Variants in CSMD2 observed in about 807,000 individuals in gnomAD.
The protein encoded by CSMD2 is CUB and Sushi multiple domains 2.
In CSMD2, 130 loss-of-function variants were observed where a neutral mutation model predicts 398.5. The ratio of observed to expected loss-of-function variants is 0.33; its 90% CI spans 0.28 to 0.38. The LOEUF is 0.38. Among genes scored for constraint, CSMD2 ranks in the 10% least tolerant of loss-of-function variants. The pLI is 1.00. For synonymous variants in CSMD2, 1,828 were observed against 1,908.5 expected (o/e 0.96, Z 1.10); for missense variants, 3,829 against 4,764.9 (o/e 0.80, Z 5.78).
chr1:33,548,357 A>G (rs770268669), intron 56 of CSMD2, among the ~76,000 whole-genome samples: 4 of 152,218 alleles, frequency 2.6e-5, no homozygotes, highest in Middle Eastern at 6.3e-3. Flanking sequence ...GGCAGAGTAG[A>G]TAGATGGCAA....
At chr1:33,569,589 G>A (rs1659395326) in intron 51 of CSMD2, 42 bp from the exon 52 acceptor site, 6 of 1,592,396 alleles carry the variant, frequency 3.8e-6, no homozygotes, top group Admixed American at 1.7e-5. Flanking sequence ...GCCCCAAGAG[G>A]AGGGACATGG....
intron 10 of CSMD2, among the ~76,000 whole-genome samples, chr1:33,798,828 T>A (rs1317555244): frequency 1.3e-5 from 2 of 152,114 alleles, no homozygotes; most frequent in Non-Finnish European, 2.9e-5. Context: ...CTGGAGAACA[T>A]TCTCCCCTTG....
chr1:33,660,302 G>T (rs1644089911), intron 26 of CSMD2, among the ~76,000 whole-genome samples: 1 of 152,290 alleles, frequency 6.6e-6, no homozygotes, highest in East Asian at 1.9e-4. Context: ...CAATAGGAAT[G>T]GCTGTGATTA....
chr1:33,617,665 G>A, intron 37 of CSMD2, 48 bp from the exon 38 acceptor site: 2 of 1,452,546 alleles, frequency 1.4e-6, no homozygotes, highest in Non-Finnish European at 1.9e-6. Flanking sequence ...TAGCCCAGCA[G>A]GTCAACGTGG....
intron 25 of CSMD2, among the ~76,000 whole-genome samples, chr1:33,691,471 T>C (rs1000684418): frequency 6.6e-6 from 1 of 152,344 alleles, no homozygotes; most frequent in East Asian, 1.9e-4. Context: ...AAATACTTAA[T>C]ACATTTCCTT....
At chr1:33,823,318 G>C (rs1382339254) in intron 7 of CSMD2, among the ~76,000 whole-genome samples, 1 of 152,134 alleles carries the variant, frequency 6.6e-6, no homozygotes, top group Middle Eastern at 3.2e-3. Flanking sequence ...AGCTTCCCCA[G>C]GAAACAAGCA....
chr1:33,724,266 G>A lies in CSMD2; in HGVS notation c.2932C>T (p.Pro978Ser). ...TTGGGGTAGAAGTCAGGGAACCCTG[G>A]CGACAAGATGGTCCCACTGGAGCCT... ...IQGSSGTILSPGFPDFYPNNL... is the reference protein window; with the variant it reads ...IQGSSGTILSSGFPDFYPNNL... The change falls in exon 19 of 71, where the codon CCA becomes TCA. Residue 978 changes from proline to serine, a missense_variant. Physicochemically the swap from Pro to Ser is moderately conservative, Grantham distance 74. Transcript: ENST00000373381. 6.2e-7 allele frequency: 1 copy of A among 1,614,110 alleles called. No homozygotes were observed. Among genetic ancestry groups the A allele is most frequent in the Non-Finnish European group, 8.5e-7 (1 of 1,179,996 alleles).
chr1:34,082,324 G>A (rs1397628456), intron 2 of CSMD2, among the ~76,000 whole-genome samples: 12 of 150,940 alleles, frequency 8.0e-5, no homozygotes, highest in African/African-American at 1.7e-4. Flanking sequence ...CGGCCGCCCC[G>A]TCTGGGAAGT....
chr1:33,701,547 C>G (rs898646675), intron 22 of CSMD2, among the ~76,000 whole-genome samples: 1 of 152,226 alleles, frequency 6.6e-6, no homozygotes, highest in African/African-American at 2.4e-5. Flanking sequence ...GCATGGCACA[C>G]AATGTGATGC....
At chr1:34,080,458 A>G (rs1179739277) in intron 2 of CSMD2, among the ~76,000 whole-genome samples, 1 of 152,146 alleles carries the variant, frequency 6.6e-6, no homozygotes, top group Non-Finnish European at 1.5e-5. Context: ...CTGACAAAAA[A>G]TGATCTTATA....
chr1:33,749,635 A>G (rs1647935940), intron 13 of CSMD2, among the ~76,000 whole-genome samples: 1 of 152,214 alleles, frequency 6.6e-6, no homozygotes, highest in Admixed American at 6.5e-5. Context: ...AAAATTTCTG[A>G]TTGGTTTGCT....
chr1:33,920,542 CA>C (rs58865984), intron 4 of CSMD2, among the ~76,000 whole-genome samples: 17,956 of 82,636 alleles, frequency 0.22, 919 homozygotes, highest in East Asian at 0.51. Flanking sequence ...CAATCTGTCT[CA>C]AAAAAAAAAA....
chr1:34,158,912 G>A (rs758252270), intron 1 of CSMD2, among the ~76,000 whole-genome samples: 1 of 152,168 alleles, frequency 6.6e-6, no homozygotes, highest in Non-Finnish European at 1.5e-5. Flanking sequence ...ACCAGCACTC[G>A]GTAAAGGAGA....
chr1:33,582,767 G>A (rs112918243), intron 47 of CSMD2, among the ~76,000 whole-genome samples: 3,322 of 152,256 alleles, frequency 0.022, 47 homozygotes, highest in Non-Finnish European at 0.026. Flanking sequence ...GCCCAGGTCC[G>A]TCTCACAGTA....
At chr1:33,625,013 C>A (rs751093021) in intron 34 of CSMD2, 38 bp downstream of exon 34, 3 of 1,596,964 alleles carry the variant, frequency 1.9e-6, no homozygotes, top group South Asian at 1.1e-5. Flanking sequence ...CTACGTGCCG[C>A]CCCCCGCACC....
intron 25 of CSMD2, among the ~76,000 whole-genome samples, chr1:33,670,304 G>T (rs1450245386): frequency 6.6e-6 from 1 of 152,140 alleles, no homozygotes; most frequent in East Asian, 1.9e-4. Flanking sequence ...CCAGCATGAG[G>T]CCTGACCTGT....
intron 13 of CSMD2, chr1:33,772,217 T>G: frequency 5.2e-6 from 1 of 190,578 alleles, no homozygotes; most frequent in Admixed American, 5.8e-5. Context: ...CCCTGCTGGA[T>G]TAGATGGTGT....
rs538991781 is a variant in CSMD2, at chr1:33,766,816, A to C, written c.1846+5753T>G. 6.6e-5 allele frequency among the ~76,000 whole-genome samples: 10 copies of C among 152,384 alleles called. No individual in the cohort carries two copies. The East Asian group carries it at 1.3e-3, about 21-fold the overall frequency. On this transcript the variant is annotated intron_variant, in intron 13 of 70. Transcript: ENST00000373381. ...GTTATCTTTAGAAAAGTGAAAGTAGATAAACATGAAATAGAGGCATGCCAT... is the reference window on the plus strand; with the variant it reads ...GTTATCTTTAGAAAAGTGAAAGTAGCTAAACATGAAATAGAGGCATGCCAT...
At chr1:34,085,022 C>A (rs920735018) in intron 2 of CSMD2, among the ~76,000 whole-genome samples, 3 of 152,084 alleles carry the variant, frequency 2.0e-5, no homozygotes, top group African/African-American at 7.2e-5. Flanking sequence ...AAATGTGGCA[C>A]AAATACACCA....
Sources: gnomAD v4.1 joint callset for allele counts (sites outside exome capture counted in the v4.1 genomes callset) on GRCh38, gnomAD v4.1.1 for gene constraint, MANE v1.5 for transcripts, NCBI Gene and HGNC (gene_info 2026-07-23, HGNC 2026-07-21) for gene names.